The following CNTN4 variants were observed in gnomAD, a reference collection of about 807,000 sequenced individuals.
CNTN4 encodes the protein contactin-4.
A neutral mutation model predicts 122.5 loss-of-function variants in CNTN4; 77 were observed. That is an observed-to-expected ratio of 0.63 (90% CI 0.52 to 0.76). The LOEUF (loss-of-function observed/expected upper bound fraction) is 0.76, where lower values mean the gene tolerates loss of function less well. CNTN4 is among the 30% of genes least tolerant of loss of function. The pLI is 0.00. For synonymous variants in CNTN4, 512 were observed against 447.0 expected, an observed-to-expected ratio of 1.15 and a Z score of -1.83; for missense variants, 1,256 against 1,259.1, an observed-to-expected ratio of 1.00 and a Z score of 0.04.
chr3:2,716,789 T>C (rs534987147), intron 4 of CNTN4, among the ~76,000 whole-genome samples: 2 of 152,318 alleles, frequency 1.3e-5, no homozygotes, highest in Non-Finnish European at 2.9e-5. Flanking sequence ...CAACACCTTC[T>C]TTCCCTCATA....
intron 4 of CNTN4, among the ~76,000 whole-genome samples, chr3:2,627,549 A>G (rs1057136466): frequency 8.5e-5 from 11 of 129,222 alleles, no homozygotes; most frequent in Admixed American, 3.8e-4. Flanking sequence ...GCTGGAGTGT[A>G]GTAGCGCAAT....
At chr3:2,304,136 C>G (rs939089881) in intron 2 of CNTN4, among the ~76,000 whole-genome samples, 1 of 152,078 alleles carries the variant, frequency 6.6e-6, no homozygotes, top group Non-Finnish European at 1.5e-5. Flanking sequence ...ATTACTTGTT[C>G]ATTACATTGT....
intron 4 of CNTN4, among the ~76,000 whole-genome samples, chr3:2,622,943 T>C (rs954489711): frequency 6.6e-6 from 1 of 152,206 alleles, no homozygotes; most frequent in African/African-American, 2.4e-5. Context: ...ATAGCTACTT[T>C]TCTTTTTCAC....
chr3:2,795,383 T>G (rs754801371), intron 6 of CNTN4, among the ~76,000 whole-genome samples: 1 of 152,166 alleles, frequency 6.6e-6, no homozygotes, highest in Non-Finnish European at 1.5e-5. Flanking sequence ...TGGGATTTGG[T>G]GAGCTCCCAA....
intron 13 of CNTN4, among the ~76,000 whole-genome samples, chr3:2,963,101 C>G (rs915201870): frequency 2.0e-5 from 3 of 152,136 alleles, no homozygotes; most frequent in African/African-American, 7.2e-5. Context: ...CCCATCGAGT[C>G]AGACTGAGTT....
intron 4 of CNTN4, among the ~76,000 whole-genome samples, chr3:2,644,924 G>T (rs2083053965): frequency 6.6e-6 from 1 of 150,418 alleles, no homozygotes; most frequent in African/African-American, 2.4e-5. Flanking sequence ...CAGGCTTCAT[G>T]AATTAATGCC....
At chr3:2,871,896 A>G (rs2093788774) in intron 8 of CNTN4, among the ~76,000 whole-genome samples, 1 of 152,220 alleles carries the variant, frequency 6.6e-6, no homozygotes. Flanking sequence ...AACAGATTTT[A>G]TCAGAGTTTA....
chr3:2,861,068 T>G (rs1401815255), intron 7 of CNTN4, among the ~76,000 whole-genome samples: 4 of 152,218 alleles, frequency 2.6e-5, no homozygotes, highest in Non-Finnish European at 4.4e-5. Context: ...AAAGAAACTC[T>G]AAGAATTTAC....
intron 5 of CNTN4, among the ~76,000 whole-genome samples, chr3:2,738,301 T>C (rs2089262317): frequency 6.6e-6 from 1 of 152,168 alleles, no homozygotes; most frequent in Non-Finnish European, 1.5e-5. Context: ...AGCTGACTTC[T>C]CAATAGCAAC....
chr3:2,334,275 A>G (rs4685509), intron 2 of CNTN4, among the ~76,000 whole-genome samples: 11,682 of 152,134 alleles, frequency 0.077, 497 homozygotes, highest in Middle Eastern at 0.085. Flanking sequence ...CTCCTGCCTC[A>G]GCCTCCCAAG....
intron 14 of CNTN4, among the ~76,000 whole-genome samples, chr3:3,007,725 C>G (rs1394911204): frequency 1.3e-5 from 2 of 152,110 alleles, no homozygotes; most frequent in East Asian, 1.9e-4. Flanking sequence ...GCTTGGTAAC[C>G]CATAGATTGG....
intron 16 of CNTN4, among the ~76,000 whole-genome samples, chr3:3,031,880 G>A (rs1177001329): frequency 2.6e-5 from 4 of 152,122 alleles, no homozygotes; most frequent in South Asian, 2.1e-4. Context: ...GCAAAACTTC[G>A]AACGCAAGAA....
intron 14 of CNTN4, among the ~76,000 whole-genome samples, chr3:2,991,469 A>G (rs1339007219): frequency 6.6e-6 from 1 of 152,050 alleles, no homozygotes; most frequent in Non-Finnish European, 1.5e-5. Context: ...GGGGGAAAAA[A>G]GTTTTATTTG....
chr3:2,706,957 GAAGCA>G (rs2086777763), intron 4 of CNTN4, among the ~76,000 whole-genome samples: 1 of 151,878 alleles, frequency 6.6e-6, no homozygotes, highest in Admixed American at 6.6e-5. Context: ...CTGGCATGGG[GAAGCA>G]CTAGATTATG....
intron 6 of CNTN4, among the ~76,000 whole-genome samples, chr3:2,764,024 A>G (rs1017311148): frequency 7.9e-5 from 12 of 151,854 alleles, no homozygotes; most frequent in Non-Finnish European, 1.6e-4. Flanking sequence ...AAGGAGAGGT[A>G]TAAAGTGGAG....
chr3:2,441,569 G>C (rs2648693), intron 3 of CNTN4, among the ~76,000 whole-genome samples: 143,493 of 152,276 alleles, frequency 0.94, 67,647 homozygotes, highest in East Asian at 0.99. Context: ...AGGTATTAGG[G>C]TAGCTTTTCA....
At chr3:2,479,993 A>G (rs930032516) in intron 3 of CNTN4, among the ~76,000 whole-genome samples, 3 of 152,192 alleles carry the variant, frequency 2.0e-5, no homozygotes, top group African/African-American at 7.2e-5. Context: ...GTAATTCATC[A>G]CATCAGTAGG....
chr3:2,162,610 A>G (rs988411396), intron 2 of CNTN4, among the ~76,000 whole-genome samples: 8 of 152,278 alleles, frequency 5.3e-5, no homozygotes, highest in African/African-American at 1.9e-4. Flanking sequence ...TATTGACTCA[A>G]TAGTATGTGT....
At chr3:2,289,924 C>T (rs77977280) in intron 2 of CNTN4, among the ~76,000 whole-genome samples, 16 of 152,074 alleles carry the variant, frequency 1.1e-4, no homozygotes, top group Non-Finnish European at 1.8e-4. Context: ...TACTACCTCT[C>T]GGAAACTTGG....
Sources: gnomAD v4.1 joint callset for allele counts (sites outside exome capture counted in the v4.1 genomes callset) on GRCh38, gnomAD v4.1.1 for gene constraint, MANE v1.5 for transcripts, NCBI Gene and HGNC (gene_info 2026-07-23, HGNC 2026-07-21) for gene names.